Variants in RNF150 observed in about 807,000 individuals in gnomAD.
RNF150 encodes ring finger protein 150.
A neutral mutation model predicts 39.3 loss-of-function variants in RNF150; 24 were observed. The ratio of observed to expected loss-of-function variants is 0.61; its 90% CI spans 0.44 to 0.86. The LOEUF (loss-of-function observed/expected upper bound fraction) is 0.86, where lower values mean the gene tolerates loss of function less well. Among genes scored for constraint, RNF150 ranks in the 40% least tolerant of loss-of-function variants. The pLI is 0.00. For missense variants in RNF150, 502 were observed against 587.8 expected (o/e 0.85, Z 1.51); for synonymous variants, 255 against 227.3 (o/e 1.12, Z -1.10).
At chr4:141,041,901 A>G (rs1736389567) in intron 1 of RNF150, among the ~76,000 whole-genome samples, 1 of 152,046 alleles carries the variant, frequency 6.6e-6, no homozygotes, top group Non-Finnish European at 1.5e-5. Context: ...ATTTTTAGGA[A>G]ATGGCAGATG....
intron 1 of RNF150, among the ~76,000 whole-genome samples, chr4:140,998,109 C>T (rs1734450078): frequency 6.6e-6 from 1 of 152,154 alleles, no homozygotes; most frequent in East Asian, 1.9e-4. Context: ...ACTGAAATTG[C>T]TTCAGTTAGG....
intron 1 of RNF150, among the ~76,000 whole-genome samples, chr4:140,990,646 T>C (rs1027809198): frequency 2.0e-5 from 3 of 152,342 alleles, no homozygotes; most frequent in African/African-American, 4.8e-5. Flanking sequence ...TCCATCCATG[T>C]CCCTGCAAAG....
At chr4:140,910,952 AGC>A in intron 6 of RNF150, 190 bp downstream of exon 6, 1 of 605,350 alleles carries the variant, frequency 1.7e-6, no homozygotes, top group Admixed American at 3.0e-5. Context: ...GGGCACACAG[AGC>A]CAGGTGGGCT....
Position 140,967,608 on chromosome 4 carries a change from CT to C in RNF150, c.735+14del, listed in dbSNP as rs756780287. The C allele has an allele frequency of 2.7e-5, 42 of 1,570,474 alleles. No individual in the cohort carries two copies. The South Asian group carries it at 4.4e-4, about 17-fold the overall frequency. ...GTAACAATTTTTAAAAGTTTTTTAACTTTTTGCTACTCACCTGGTTCCTATC... is the reference window on the plus strand; with the variant it reads ...GTAACAATTTTTAAAAGTTTTTTAACTTTTGCTACTCACCTGGTTCCTATC... On this transcript the variant is annotated intron_variant, in intron 2 of 6. Coordinates refer to ENST00000515673, the MANE Select transcript of RNF150 (RefSeq NM_020724.2).
At chr4:141,165,490 T>C (rs1727584624) in intron 1 of RNF150, among the ~76,000 whole-genome samples, 1 of 152,168 alleles carries the variant, frequency 6.6e-6, no homozygotes, top group Admixed American at 6.5e-5. Context: ...ATCAACAGAA[T>C]ATACATTTTT....
chr4:141,152,030 A>G (rs1480254997), intron 1 of RNF150, among the ~76,000 whole-genome samples: 1 of 152,154 alleles, frequency 6.6e-6, no homozygotes, highest in East Asian at 1.9e-4. Flanking sequence ...TGTGGAGTTC[A>G]GTAACAGCGA....
In RNF150 at chr4:141,001,021, G is replaced by C. The variant is rs939183751; in HGVS notation, c.485-33148C>G. ...GAGAAAAAGAATTAAACAAATCAGCGTAATTTTACTTATAATCAAATAATG... is the reference window on the plus strand; with the variant it reads ...GAGAAAAAGAATTAAACAAATCAGCCTAATTTTACTTATAATCAAATAATG... On this transcript the variant is annotated intron_variant, in intron 1 of 6. Coordinates refer to ENST00000515673, the MANE Select transcript of RNF150 (RefSeq NM_020724.2). Among the ~76,000 whole-genome samples the C allele has an allele frequency of 4.6e-5, 7 of 152,148 alleles. No homozygotes were observed. In the South Asian group the frequency reaches 1.5e-3, roughly 32 times the overall value.
At chr4:141,067,938 CAG>C (rs897329603) in intron 1 of RNF150, among the ~76,000 whole-genome samples, 1 of 148,592 alleles carries the variant, frequency 6.7e-6, no homozygotes, top group Non-Finnish European at 1.5e-5. Context: ...ACCACTGGAA[CAG>C]AGTCAAGATA....
At chr4:141,039,744 T>C (rs1736287799) in intron 1 of RNF150, among the ~76,000 whole-genome samples, 1 of 152,130 alleles carries the variant, frequency 6.6e-6, no homozygotes, top group Non-Finnish European at 1.5e-5. Context: ...AGTTATTAAC[T>C]GCAAGCTCCT....
chr4:141,005,036 A>C (rs774098367), intron 1 of RNF150, among the ~76,000 whole-genome samples: 25 of 152,204 alleles, frequency 1.6e-4, no homozygotes, highest in Non-Finnish European at 3.4e-4. Flanking sequence ...ATTAGGAAGT[A>C]AAACTAACAG....
intron 1 of RNF150, among the ~76,000 whole-genome samples, chr4:140,992,704 C>T (rs78140982): frequency 6.6e-6 from 1 of 152,168 alleles, no homozygotes; most frequent in Admixed American, 6.5e-5. Context: ...ACTGTACTTA[C>T]TTCAAAGAAT....
chr4:140,868,013 T>C lies in RNF150; in HGVS notation c.*248A>G, dbSNP rs1368963182. 1 of 421,856 alleles carries C rather than the reference T, an allele frequency of 2.4e-6. No homozygotes were observed. The highest frequency in any genetic ancestry group is 4.2e-6 in the Non-Finnish European group (1 of 238,462). The allele number at this position is 421,856 out of a possible 1,614,324, so 26.1% of individuals were successfully genotyped here. On this transcript the variant is annotated 3_prime_UTR_variant, in exon 7 of 7. Coordinates refer to ENST00000515673, the MANE Select transcript of RNF150 (RefSeq NM_020724.2). ...GGAGCTTCTGAAGTGTATGTCTACA[T>C]GGACATAGGAGTGGAAATCAGCTTT...
intron 6 of RNF150, among the ~76,000 whole-genome samples, chr4:140,899,381 T>C (rs1463617094): frequency 1.3e-5 from 2 of 152,214 alleles, no homozygotes; most frequent in African/African-American, 2.4e-5. Flanking sequence ...AGAAGCATTC[T>C]GAAGACCAAA....
chr4:140,928,515 C>T (rs1355617140), intron 4 of RNF150, among the ~76,000 whole-genome samples: 1 of 152,160 alleles, frequency 6.6e-6, no homozygotes, highest in Non-Finnish European at 1.5e-5. Context: ...ATTTTGACCT[C>T]CCTATGTTCA....
At chr4:141,057,725 C>A (rs1010451244) in intron 1 of RNF150, among the ~76,000 whole-genome samples, 1 of 152,090 alleles carries the variant, frequency 6.6e-6, no homozygotes, top group African/African-American at 2.4e-5. Flanking sequence ...CTTTGCTGGA[C>A]CCCCTGTATT....
intron 1 of RNF150, among the ~76,000 whole-genome samples, chr4:141,006,438 G>C (rs1191050206): frequency 6.6e-6 from 1 of 152,104 alleles, no homozygotes; most frequent in Admixed American, 6.6e-5. Flanking sequence ...CAAGATCCCT[G>C]GGAAAGTGAC....
At chr4:140,909,671 A>G (rs1288520023) in intron 6 of RNF150, among the ~76,000 whole-genome samples, 5 of 152,174 alleles carry the variant, frequency 3.3e-5, no homozygotes, top group Non-Finnish European at 7.4e-5. Context: ...AAAAATTTAA[A>G]TTACATGCAT....
intron 1 of RNF150, among the ~76,000 whole-genome samples, chr4:141,159,630 C>A (rs542355531): frequency 6.6e-6 from 1 of 152,074 alleles, no homozygotes; most frequent in East Asian, 1.9e-4. Flanking sequence ...GCAGCCTCCA[C>A]CTTCTGGGCC....
chr4:141,048,149 T>C (rs1445349965), intron 1 of RNF150, among the ~76,000 whole-genome samples: 3 of 152,196 alleles, frequency 2.0e-5, no homozygotes, highest in Non-Finnish European at 4.4e-5. Context: ...TTAAAGCTAT[T>C]TTATATTCCA....
Sources: gnomAD v4.1 joint callset for allele counts (sites outside exome capture counted in the v4.1 genomes callset) on GRCh38, gnomAD v4.1.1 for gene constraint, MANE v1.5 for transcripts, NCBI Gene and HGNC (gene_info 2026-07-23, HGNC 2026-07-21) for gene names.